LYZL4: variants seen among roughly 807,000 people sequenced by gnomAD.
LYZL4 encodes the protein lysozyme like 4.
A neutral mutation model predicts 17.6 loss-of-function variants in LYZL4; 13 were observed. The ratio of observed to expected loss-of-function variants is 0.74; its 90% CI spans 0.48 to 1.18. The LOEUF (loss-of-function observed/expected upper bound fraction) is 1.18, where lower values mean the gene tolerates loss of function less well. Among genes scored for constraint, LYZL4 ranks in the 50% most tolerant of loss-of-function variants. The pLI is 0.00. For synonymous variants in LYZL4, 64 were observed against 67.7 expected (o/e 0.95, Z 0.27); for missense variants, 174 against 188.2 (o/e 0.92, Z 0.44).
At chr3:42,406,819 C>A in intron 3 of LYZL4, 27 bp downstream of exon 3, 1 of 1,612,296 alleles carries the variant, frequency 6.2e-7, no homozygotes, top group Non-Finnish European at 8.5e-7. Context: ...TCCAGTGCCC[C>A]CGCACGGAAT....
chr3:42,375,118 T>C, the LYZL4 span, among the ~76,000 whole-genome samples: 1 of 152,100 alleles, frequency 6.6e-6, no homozygotes, highest in Non-Finnish European at 1.5e-5. Context: ...GCCTAGTATC[T>C]GACTTTTTGG....
At chr3:42,388,462 C>T in the LYZL4 span, among the ~76,000 whole-genome samples, 775 of 152,316 alleles carry the variant, frequency 5.1e-3, 5 homozygotes, top group South Asian at 0.023. Flanking sequence ...CTCCTTCTAC[C>T]AGGCTTGGGG....
intron 4 of LYZL4, among the ~76,000 whole-genome samples, chr3:42,402,193 C>T (rs1452112603): frequency 1.3e-5 from 2 of 149,344 alleles, no homozygotes; most frequent in Non-Finnish European, 3.0e-5. Context: ...GTTGTCCTCA[C>T]TACTCGGGAG....
chr3:42,379,250 C>T, the LYZL4 span, among the ~76,000 whole-genome samples: 308 of 152,280 alleles, frequency 2.0e-3, no homozygotes, highest in Non-Finnish European at 3.5e-3. Flanking sequence ...TCAGTGCTGG[C>T]TGTTCATTCT....
chr3:42,385,178 C>G, the LYZL4 span, among the ~76,000 whole-genome samples: 1 of 137,654 alleles, frequency 7.3e-6, no homozygotes, highest in Admixed American at 7.0e-5. Context: ...TCTTTTGCCT[C>G]TTTTCAAAAA....
At chr3:42,375,971 C>T in the LYZL4 span, among the ~76,000 whole-genome samples, 1 of 152,132 alleles carries the variant, frequency 6.6e-6, no homozygotes, top group Non-Finnish European at 1.5e-5. Flanking sequence ...TCGACAGCAC[C>T]TCACAGTGAC....
intron 3 of LYZL4, among the ~76,000 whole-genome samples, chr3:42,405,787 G>A (rs1281662844): frequency 6.6e-6 from 1 of 152,096 alleles, no homozygotes; most frequent in Non-Finnish European, 1.5e-5. Context: ...CCCCACAGCT[G>A]TGTGGTCTTG....
the LYZL4 span, among the ~76,000 whole-genome samples, chr3:42,365,399 C>G: frequency 6.6e-6 from 1 of 152,174 alleles, no homozygotes; most frequent in East Asian, 1.9e-4. Flanking sequence ...TTCACGCTCT[C>G]TCATCTGTAG....
intron 3 of LYZL4, among the ~76,000 whole-genome samples, chr3:42,404,693 T>C (rs930543763): frequency 9.9e-5 from 15 of 152,178 alleles, no homozygotes; most frequent in Non-Finnish European, 1.9e-4. Flanking sequence ...GATTTATAGA[T>C]AGATATCTAT....
chr3:42,384,490 G>A, the LYZL4 span, among the ~76,000 whole-genome samples: 1 of 152,198 alleles, frequency 6.6e-6, no homozygotes, highest in Non-Finnish European at 1.5e-5. Flanking sequence ...AAGTCATGAG[G>A]AGGAGGTTTC....
At chr3:42,365,738 A>C in the LYZL4 span, among the ~76,000 whole-genome samples, 1 of 152,200 alleles carries the variant, frequency 6.6e-6, no homozygotes, top group African/African-American at 2.4e-5. Flanking sequence ...ATTGGTACCA[A>C]TATTTTAATC....
chr3:42,382,109 T>C, the LYZL4 span, among the ~76,000 whole-genome samples: 1 of 152,252 alleles, frequency 6.6e-6, no homozygotes, highest in Non-Finnish European at 1.5e-5. Flanking sequence ...GATCACCTAC[T>C]GTTTGCCAGA....
chr3:42,388,498 T>C, the LYZL4 span, among the ~76,000 whole-genome samples: 3 of 152,162 alleles, frequency 2.0e-5, no homozygotes, highest in African/African-American at 4.8e-5. Flanking sequence ...TTTTCAATTA[T>C]TCACAGGCTG....
chr3:42,406,825 G>A (rs749306840), intron 3 of LYZL4, 21 bp downstream of exon 3: 83 of 1,612,874 alleles, frequency 5.1e-5, no homozygotes, highest in Middle Eastern at 1.6e-4. Context: ...GCCCCCGCAC[G>A]GAATGGAAAG....
At chr3:42,377,556 G>A in the LYZL4 span, among the ~76,000 whole-genome samples, 2 of 151,670 alleles carry the variant, frequency 1.3e-5, no homozygotes, top group African/African-American at 2.4e-5. Flanking sequence ...TTTGTGTAAA[G>A]GCACTGTCTG....
intron 4 of LYZL4, among the ~76,000 whole-genome samples, chr3:42,399,345 G>C (rs1311520754): frequency 2.6e-5 from 4 of 152,138 alleles, no homozygotes; most frequent in Non-Finnish European, 5.9e-5. Context: ...GGATACAATT[G>C]AAAGAACATA....
At chr3:42,375,838 T>C in the LYZL4 span, among the ~76,000 whole-genome samples, 1 of 152,192 alleles carries the variant, frequency 6.6e-6, no homozygotes, top group Non-Finnish European at 1.5e-5. Flanking sequence ...GCGGGGACAT[T>C]GGATGTTCTT....
chr3:42,406,348 G>A (rs909920060), intron 3 of LYZL4, among the ~76,000 whole-genome samples: 4 of 151,478 alleles, frequency 2.6e-5, no homozygotes, highest in South Asian at 4.2e-4. Context: ...CAGCTACTCG[G>A]GAGGCTGAGG....
At chr3:42,361,752 G>T in the LYZL4 span, among the ~76,000 whole-genome samples, 3 of 151,932 alleles carry the variant, frequency 2.0e-5, no homozygotes, top group African/African-American at 7.3e-5. Flanking sequence ...ATAAATAATA[G>T]ACTTTATCTT....
Sources: allele counts gnomAD v4.1 joint callset (sites outside exome capture counted in the v4.1 genomes callset), GRCh38; gene constraint gnomAD v4.1.1; transcripts MANE v1.5; gene names NCBI Gene and HGNC (gene_info 2026-07-23, HGNC 2026-07-21).